The following VAV2 variants were observed in gnomAD, a reference collection of about 807,000 sequenced individuals.
VAV2 encodes the protein vav guanine nucleotide exchange factor 2.
A neutral mutation model predicts 132.5 loss-of-function variants in VAV2; 67 were observed. The observed-to-expected ratio is 0.51, with a 90% CI of 0.42 to 0.62. The LOEUF is 0.62. Among genes scored for constraint, VAV2 ranks in the 20% least tolerant of loss-of-function variants. The pLI, the probability that VAV2 is intolerant of heterozygous loss-of-function variation, is 0.00. For missense variants in VAV2, 938 were observed against 1,153.6 expected (o/e 0.81, Z 2.71); for synonymous variants, 492 against 443.5 (o/e 1.11, Z -1.37).
chr9:133,770,275 A>ACTC, intron 27 of VAV2, 103 bp downstream of exon 27: 1 of 1,539,552 alleles, frequency 6.5e-7, no homozygotes, highest in East Asian at 2.3e-5. Flanking sequence ...CCAGGGTGGG[A>ACTC]CTCCTGGTCT....
chr9:133,830,941 CT>C (rs1205350836), intron 4 of VAV2, among the ~76,000 whole-genome samples: 7 of 152,192 alleles, frequency 4.6e-5, no homozygotes, highest in Non-Finnish European at 7.3e-5. Context: ...TTCCTTAGAA[CT>C]GATGATTTAC....
intron 9 of VAV2, among the ~76,000 whole-genome samples, chr9:133,800,445 C>T (rs1834886086): frequency 6.6e-6 from 1 of 152,336 alleles, no homozygotes; most frequent in African/African-American, 2.4e-5. Context: ...CCGCATGGAG[C>T]CATGTCTGCT....
chr9:133,790,917 G>A (rs1834431909), intron 13 of VAV2, among the ~76,000 whole-genome samples: 1 of 152,112 alleles, frequency 6.6e-6, no homozygotes, highest in Non-Finnish European at 1.5e-5. Context: ...ACCACCAGGG[G>A]TAATTTTGCC....
Position 133,810,209 on chromosome 9 carries a change from C to T in VAV2, c.553-4G>A. 6.2e-7 allele frequency: 1 copy of T among 1,613,462 alleles called. No individual in the cohort carries two copies. Among genetic ancestry groups the T allele is most frequent in the Non-Finnish European group, 8.5e-7 (1 of 1,179,850 alleles). On this transcript the variant is annotated splice_region_variant and splice_polypyrimidine_tract_variant and intron_variant, in intron 5 of 29. Transcript: ENST00000371850. ...CACTCACCTGCATGTATCTAATCTG[C>T]AAGCGTGGAGAAAGAACCAGAAACA...
intron 14 of VAV2, 56 bp downstream of exon 14, chr9:133,789,202 G>T (rs1253098057): frequency 1.3e-6 from 2 of 1,592,622 alleles, no homozygotes; most frequent in Admixed American, 3.4e-5. Flanking sequence ...CTCCCTGGGA[G>T]GGAGAGCCAG....
At chr9:133,949,974 A>G (rs1420410181) in intron 1 of VAV2, among the ~76,000 whole-genome samples, 5 of 152,220 alleles carry the variant, frequency 3.3e-5, no homozygotes, top group African/African-American at 7.2e-5. Context: ...TCAAGCGCCC[A>G]GCCGGTGAGA....
chr9:133,798,570 G>A (rs1481226818), intron 9 of VAV2, among the ~76,000 whole-genome samples: 2 of 152,156 alleles, frequency 1.3e-5, no homozygotes, highest in Non-Finnish European at 2.9e-5. Context: ...AGGGTTCCCG[G>A]CCTCTGGAGC....
At chr9:133,973,645 C>G (rs919807151) in intron 1 of VAV2, among the ~76,000 whole-genome samples, 1 of 152,184 alleles carries the variant, frequency 6.6e-6, no homozygotes, top group African/African-American at 2.4e-5. Flanking sequence ...ACGACACTCT[C>G]CCTCCCAATT....
intron 4 of VAV2, among the ~76,000 whole-genome samples, chr9:133,815,583 C>T (rs1835525350): frequency 6.6e-6 from 1 of 152,200 alleles, no homozygotes; most frequent in Non-Finnish European, 1.5e-5. Context: ...TTCCCCTCAA[C>T]ATTGGATCTT....
rs202176668 is a variant in VAV2, at chr9:133,959,730, G to GTA, written c.205-20512_205-20511insTA. On this transcript the variant is annotated intron_variant, in intron 1 of 29. Coordinates refer to ENST00000371850, the MANE Select transcript of VAV2 (RefSeq NM_001134398.2). ...GCCATCCCAGGTTAGGGTGGGCCCC[G>GTA]AATCCAATGACCAGCATCCTCTTAA... Among the ~76,000 whole-genome samples the GTA allele has an allele frequency of 4.6e-3, 693 of 151,778 alleles. 8 individuals are homozygous for GTA. The highest frequency in any genetic ancestry group is 0.016 in the African/African-American group (652 of 41,404).
chr9:133,835,104 T>C (rs1246801297), intron 3 of VAV2, among the ~76,000 whole-genome samples: 5 of 152,208 alleles, frequency 3.3e-5, no homozygotes, highest in Non-Finnish European at 7.3e-5. Flanking sequence ...GGGCTCTTCT[T>C]GAGTCTCATT....
intron 2 of VAV2, among the ~76,000 whole-genome samples, chr9:133,909,656 T>G (rs1417790468): frequency 1.7e-5 from 1 of 59,910 alleles, no homozygotes; most frequent in Non-Finnish European, 4.3e-5. Flanking sequence ...GCAGACTAGA[T>G]GGTCCGACTG....
At chr9:133,825,538 C>T (rs1835952710) in intron 4 of VAV2, among the ~76,000 whole-genome samples, 1 of 152,190 alleles carries the variant, frequency 6.6e-6, no homozygotes, top group Non-Finnish European at 1.5e-5. Context: ...GTCCCAAACC[C>T]AGCCTCTCCC....
intron 2 of VAV2, among the ~76,000 whole-genome samples, chr9:133,886,043 G>T (rs769109569): frequency 6.6e-6 from 1 of 152,226 alleles, no homozygotes; most frequent in Non-Finnish European, 1.5e-5. Context: ...TGACAGCTGG[G>T]GGGCGGGAAG....
At position 133,991,797 on chromosome 9, in the gene VAV2, C is replaced by T. The variant is rs1843029381; in HGVS notation, c.204+278G>A. 6.6e-6 allele frequency among the ~76,000 whole-genome samples: 1 copy of T among 151,166 alleles called. No homozygotes were observed. Among genetic ancestry groups the T allele is most frequent in the South Asian group, 2.1e-4 (1 of 4,834 alleles). Reference sequence around the variant, plus strand: ...AGCGCAGCGCCGGAGCCTCCCCCATCCCAGGCCGCGCAGACCGCGGAACCG... The same window carrying T: ...AGCGCAGCGCCGGAGCCTCCCCCATTCCAGGCCGCGCAGACCGCGGAACCG... On this transcript the variant is annotated intron_variant, in intron 1 of 29. Coordinates refer to ENST00000371850, the MANE Select transcript of VAV2 (RefSeq NM_001134398.2). The surrounding 1 kb of genome is among the most constrained non-coding windows in gnomAD (Gnocchi z 4.8).
At chr9:133,917,559 G>A (rs73550712) in intron 2 of VAV2, among the ~76,000 whole-genome samples, 12,695 of 151,458 alleles carry the variant, frequency 0.084, 1,723 homozygotes, top group African/African-American at 0.29. Flanking sequence ...ACAGCACAGA[G>A]GGGCCCTGCC....
chr9:133,846,784 G>A (rs774859318), intron 3 of VAV2, among the ~76,000 whole-genome samples: 3 of 152,238 alleles, frequency 2.0e-5, no homozygotes, highest in African/African-American at 7.2e-5. Flanking sequence ...CCTTGGAGGG[G>A]CTGCACACAG....
intron 1 of VAV2, among the ~76,000 whole-genome samples, chr9:133,963,506 G>A (rs933709702): frequency 6.6e-6 from 1 of 152,198 alleles, no homozygotes; most frequent in Non-Finnish European, 1.5e-5. Flanking sequence ...CAGTCGTGCC[G>A]ACAGGCAGCT....
At chr9:133,822,050 T>C (rs892643335) in intron 4 of VAV2, among the ~76,000 whole-genome samples, 4 of 152,094 alleles carry the variant, frequency 2.6e-5, no homozygotes, top group Non-Finnish European at 5.9e-5. Flanking sequence ...ACCTGCCACC[T>C]TCACCTTCTG....
Sources: allele counts gnomAD v4.1 joint callset (sites outside exome capture counted in the v4.1 genomes callset), GRCh38; gene constraint gnomAD v4.1.1; non-coding constraint Gnocchi (gnomAD v3.1); transcripts MANE v1.5; gene names NCBI Gene and HGNC (gene_info 2026-07-23, HGNC 2026-07-21).